RBM28: variants seen among roughly 807,000 people sequenced by gnomAD.
The protein encoded by RBM28 is RNA-binding protein 28.
In RBM28, 78 loss-of-function variants were observed where a neutral mutation model predicts 98.3. That is an observed-to-expected ratio of 0.79 (90% CI 0.66 to 0.96). The LOEUF is 0.96. Ranked by LOEUF, RBM28 falls within the 40% of genes least tolerant of loss-of-function variation. The pLI, the probability that RBM28 is intolerant of heterozygous loss-of-function variation, is 0.00. For missense variants in RBM28, 838 were observed against 913.0 expected, an observed-to-expected ratio of 0.92 and a Z score of 1.06; for synonymous variants, 306 against 330.9, an observed-to-expected ratio of 0.92 and a Z score of 0.82.
rs1350981591 is a variant in RBM28 at position 128,297,943 on chromosome 7, C to T, written c.*12854G>A. 4 of 134,228 alleles carry T rather than the reference C, an allele frequency of 3.0e-5. No homozygotes were observed. In the Admixed American group the frequency reaches 3.4e-4, roughly 11 times the overall value. The allele number at this position is 134,228 out of a possible 1,614,324, so 8.3% of individuals were successfully genotyped here. A position where few individuals can be genotyped will look rare whatever the true frequency, so the allele number is the denominator to read the frequency against. ...ATAGGTGGGAATTGAACAATGAGAA[C>T]ACATGGACACAGGAAGGGGAACATC... On this transcript the variant is annotated 3_prime_UTR_variant, in exon 19 of 19. Coordinates refer to ENST00000223073, the MANE Select transcript of RBM28 (RefSeq NM_018077.3).
rs748510000 is a variant in RBM28 at position 128,339,353 on chromosome 7, C to A, written c.278-32G>T. 12 of 1,510,566 alleles carry A rather than the reference C, an allele frequency of 7.9e-6. No homozygotes were observed. The South Asian group carries it at 1.3e-4, about 16-fold the overall frequency. The allele number at this position is 1,510,566 out of a possible 1,614,324, so 93.6% of individuals were successfully genotyped here. A position where few individuals can be genotyped will look rare whatever the true frequency, so the allele number is the denominator to read the frequency against. ...AATAAGAGGTAATGGAATAAGTACT[C>A]GAAAATCACCCACTTCTACGCCAGA... On this transcript the variant is annotated intron_variant, in intron 2 of 18. Transcript: ENST00000223073.
At chr7:128,323,132 T>C (rs536903897) in intron 13 of RBM28, among the ~76,000 whole-genome samples, 89 of 152,314 alleles carry the variant, frequency 5.8e-4, no homozygotes, top group Non-Finnish European at 5.4e-4. Context: ...TCAAGAGCCA[T>C]ATCTTCTCCC....
At chr7:128,333,889 T>C (rs1270600915) in intron 8 of RBM28, among the ~76,000 whole-genome samples, 1 of 152,210 alleles carries the variant, frequency 6.6e-6, no homozygotes, top group East Asian at 1.9e-4. Flanking sequence ...GTGGTAAGGT[T>C]ATGGGAAAAA....
rs772218197 is a variant in RBM28 at position 128,324,688 on chromosome 7, C to T, written c.1210G>A (p.Gly404Arg). The change falls in exon 12 of 19, where the codon GGG (glycine) becomes AGG (arginine). Residue 404 changes from glycine (G) to arginine (R), a missense_variant. Transcript: ENST00000223073. ...AGCTGCCGGCCATCCAGTTTAAGCC[C>T]ACCAGCCTGTAACAGATCACAACCC... The part of the protein sequence containing the change: ...LAASPENEAG[G>R]LKLDGRQLKV... The T allele has an allele frequency of 8.1e-6, 13 of 1,614,034 alleles. No homozygotes were observed. The African/African-American group carries it at 1.2e-4, about 15-fold the overall frequency.
intron 10 of RBM28, among the ~76,000 whole-genome samples, chr7:128,329,002 G>A (rs1338330472): frequency 6.7e-6 from 1 of 150,096 alleles, no homozygotes; most frequent in Admixed American, 6.7e-5. Flanking sequence ...TCACAGTCTC[G>A]AGTGCAGTGG....
At position 128,339,336 on chromosome 7, in the gene RBM28, G is replaced by A; in HGVS notation, c.278-15C>T. The A allele has an allele frequency of 1.9e-6, 3 of 1,579,382 alleles. No individual in the cohort carries two copies. Among genetic ancestry groups the A allele is most frequent in the South Asian group, 1.1e-5 (1 of 90,010 alleles). Reference sequence around the variant, plus strand: ...CTCTGAGTTTTCTAAAAAATAAGAGGTAATGGAATAAGTACTCGAAAATCA... The same window carrying A: ...CTCTGAGTTTTCTAAAAAATAAGAGATAATGGAATAAGTACTCGAAAATCA... On this transcript the variant is annotated splice_polypyrimidine_tract_variant and intron_variant, in intron 2 of 18. Coordinates refer to ENST00000223073, the MANE Select transcript of RBM28 (RefSeq NM_018077.3).
At position 128,297,947 on chromosome 7, in the gene RBM28, T is replaced by G. The variant is rs1795728530; in HGVS notation, c.*12850A>C. 2.4e-5 allele frequency: 3 copies of G among 126,366 alleles called. No individual in the cohort carries two copies. The highest frequency in any genetic ancestry group is 4.7e-5 in the Non-Finnish European group (3 of 63,506). The allele number at this position is 126,366 out of a possible 1,614,324, so 7.8% of individuals were successfully genotyped here. On this transcript the variant is annotated 3_prime_UTR_variant, in exon 19 of 19. Transcript: ENST00000223073. The stretch of plus-strand genomic sequence containing the variant: ...GTGGGAATTGAACAATGAGAACACA[T>G]GGACACAGGAAGGGGAACATCACAC...
chr7:128,332,927 G>C (rs1796512330), intron 9 of RBM28, among the ~76,000 whole-genome samples: 1 of 152,190 alleles, frequency 6.6e-6, no homozygotes, highest in Non-Finnish European at 1.5e-5. Flanking sequence ...CAGAAGATAA[G>C]TTAGGCATAA....
At chr7:128,327,447 T>G (rs1321376915) in intron 10 of RBM28, among the ~76,000 whole-genome samples, 1 of 152,184 alleles carries the variant, frequency 6.6e-6, no homozygotes, top group Non-Finnish European at 1.5e-5. Flanking sequence ...TGCCTTTCCT[T>G]GATTAGATGC....
At chr7:128,341,080 CA>C (rs1233078109) in intron 1 of RBM28, 1 of 1,146,970 alleles carries the variant, frequency 8.7e-7, no homozygotes, top group South Asian at 1.4e-5. Context: ...TTTATTGCAT[CA>C]AAAAGGAAAA....
chr7:128,336,811 TG>T (rs35972102), intron 6 of RBM28, among the ~76,000 whole-genome samples: 1 of 152,132 alleles, frequency 6.6e-6, no homozygotes, highest in Admixed American at 6.5e-5. Context: ...TGGAGTGCAG[TG>T]GGGTGATCTC....
intron 17 of RBM28, among the ~76,000 whole-genome samples, chr7:128,313,573 G>A (rs1284779496): frequency 6.6e-6 from 1 of 152,162 alleles, no homozygotes; most frequent in Non-Finnish European, 1.5e-5. Context: ...AGGTTACAGT[G>A]CGCTATGATC....
At position 128,310,817 on chromosome 7, in the gene RBM28, T is replaced by C. The variant is rs1390210653; in HGVS notation, c.2260A>G (p.Ser754Gly). ...CATCATCAACTATCAAACCATTTGC[T>C]CCTCTTTGCAAGAGGTGCTCCTTTA... Reference protein sequence around the residue: ...PSKGAPLAKRSKWFDS With the variant: ...PSKGAPLAKRGKWFDS The change falls in exon 19 of 19, where the codon AGC becomes GGC. Residue 754 changes from serine to glycine, a missense_variant. By Grantham distance (56) the Ser-to-Gly change is moderately conservative. Coordinates refer to ENST00000223073, the MANE Select transcript of RBM28 (RefSeq NM_018077.3). The C allele has an allele frequency of 6.2e-7, 1 of 1,614,154 alleles. No homozygotes were observed. The highest frequency in any genetic ancestry group is 8.5e-7 in the Non-Finnish European group (1 of 1,180,014).
chr7:128,335,607 A>C lies in RBM28; in HGVS notation c.882T>G (p.Asp294Glu), dbSNP rs775280020. 1.4e-5 allele frequency: 22 copies of C among 1,614,008 alleles called. No individual in the cohort carries two copies. The highest frequency in any genetic ancestry group is 1.8e-5 in the Non-Finnish European group (21 of 1,180,028). The change falls in exon 8 of 19, where the codon GAT (aspartate) becomes GAG (glutamate). Residue 294 changes from aspartate to glutamate, a missense_variant. Physicochemically the swap from Asp to Glu is conservative, Grantham distance 45. Transcript: ENST00000223073. ...CCAGTTCCTCTCCATCATCAATACT[A>C]TCGCTTTCCTCTAGGTCACTGTCCT... ...SEEDSDLEES[D>E]SIDDGEELAQ...
chr7:128,318,129 A>G (rs1181948218), intron 14 of RBM28, 23 bp from the exon 15 acceptor site: 1 of 1,595,626 alleles, frequency 6.3e-7, no homozygotes, highest in East Asian at 2.2e-5. Flanking sequence ...CAAGAAAAAA[A>G]TCAGTAATTA....
rs112150469 is a variant in RBM28 at position 128,343,784 on chromosome 7, G to A, written c.10C>T (p.Leu4=). 1.1e-5 allele frequency: 18 copies of A among 1,601,350 alleles called. No individual in the cohort carries two copies. Among genetic ancestry groups the A allele is most frequent in the African/African-American group, 8.1e-5 (6 of 74,522 alleles). The change falls in exon 1 of 19, where the codon CTG becomes TTG. Residue 4 remains leucine (L), a synonymous_variant. Transcript: ENST00000223073. Reference sequence around the variant, plus strand: ...GGGAGGCGGCCCACAAATAAGGTCAGGCCGGCCATGAGACCGGGAAACCCA... The same window carrying A: ...GGGAGGCGGCCCACAAATAAGGTCAAGCCGGCCATGAGACCGGGAAACCCA... MAG[L]TLFVGRLPPS...
chr7:128,318,208 G>A (rs1790234718), intron 14 of RBM28, 102 bp from the exon 15 acceptor site: 2 of 1,236,742 alleles, frequency 1.6e-6, no homozygotes, highest in Non-Finnish European at 2.3e-6. Context: ...CTATTGGGTG[G>A]GCATGGTGGT....
In RBM28 at chr7:128,339,244, G is replaced by A. The variant is rs1168195672; in HGVS notation, c.355C>T (p.Arg119Trp). Residue 119 changes from arginine to tryptophan, a missense_variant, in exon 3 of 19, where the codon CGG (arginine) becomes TGG (tryptophan). Coordinates refer to ENST00000223073, the MANE Select transcript of RBM28 (RefSeq NM_018077.3). ...TCACTTACCTTAAAGCTCAGGTTCC[G>A]AATAATTAATCTGGCTTTCTTATCT... ...VADKKARLII[R>W]NLSFKCSEDD... 5.0e-6 allele frequency: 8 copies of A among 1,612,168 alleles called. No individual in the cohort carries two copies. Among genetic ancestry groups the A allele is most frequent in the African/African-American group, 2.7e-5 (2 of 74,886 alleles).
chr7:128,333,108 C>T (rs1796519214), intron 9 of RBM28, among the ~76,000 whole-genome samples, 182 bp downstream of exon 9: 1 of 151,998 alleles, frequency 6.6e-6, no homozygotes, highest in Admixed American at 6.5e-5. Flanking sequence ...CCCATGCTAT[C>T]TGTCTTCTGT....
Sources: allele counts gnomAD v4.1 joint callset (sites outside exome capture counted in the v4.1 genomes callset), GRCh38; gene constraint gnomAD v4.1.1; transcripts MANE v1.5; gene names NCBI Gene and HGNC (gene_info 2026-07-23, HGNC 2026-07-21).